Variants in ARMH3 observed in about 807,000 individuals in gnomAD.
ARMH3 encodes the protein armadillo like helical domain containing 3.
ARMH3 carries 60 observed loss-of-function variants against 99.1 expected under a neutral mutation model. That is an observed-to-expected ratio of 0.61 (90% CI 0.49 to 0.75). ARMH3 has a LOEUF of 0.75. Ranked by LOEUF, ARMH3 falls within the 30% of genes least tolerant of loss-of-function variation. ARMH3 has a pLI of 0.00. For synonymous variants in ARMH3, 285 were observed against 292.8 expected, an observed-to-expected ratio of 0.97 and a Z score of 0.27; for missense variants, 679 against 843.1, an observed-to-expected ratio of 0.81 and a Z score of 2.41.
intron 1 of ARMH3, among the ~76,000 whole-genome samples, chr10:102,045,847 C>A (rs1408844859): frequency 3.3e-5 from 5 of 152,138 alleles, no homozygotes; most frequent in Admixed American, 1.3e-4. Flanking sequence ...GTAATCCCAG[C>A]ACTTTGGGAG....
At chr10:101,992,614 G>A (rs995591622) in intron 17 of ARMH3, among the ~76,000 whole-genome samples, 3 of 151,568 alleles carry the variant, frequency 2.0e-5, no homozygotes, top group Non-Finnish European at 2.9e-5. Flanking sequence ...TCCTGACTCA[G>A]CCTCTTGAGT....
At position 102,033,276 on chromosome 10, in the gene ARMH3, C is replaced by T. The variant is rs780454295; in HGVS notation, c.159+7G>A. The T allele has an allele frequency of 2.4e-5, 38 of 1,614,144 alleles. No homozygotes were observed. Among genetic ancestry groups the T allele is most frequent in the Non-Finnish European group, 3.1e-5 (37 of 1,180,028 alleles). On this transcript the variant is annotated splice_region_variant and intron_variant, in intron 3 of 25. Coordinates refer to ENST00000370033, the MANE Select transcript of ARMH3 (RefSeq NM_024541.3). ...CAGGAAATTCCACAGATGCCACCAA[C>T]TCTTACCTTCATGAGAAAGAGCTCC...
intron 20 of ARMH3, among the ~76,000 whole-genome samples, chr10:101,966,383 TCTTCTGC>T (rs1845546496): frequency 6.7e-6 from 1 of 148,702 alleles, no homozygotes; most frequent in East Asian, 2.0e-4. Context: ...TTCAAGCAAT[TCTTCTGC>T]CTCAGCCTCC....
chr10:101,859,825 C>T (rs1274941514), intron 24 of ARMH3, among the ~76,000 whole-genome samples: 1 of 152,144 alleles, frequency 6.6e-6, no homozygotes, highest in East Asian at 1.9e-4. Flanking sequence ...TCATGAGCTC[C>T]AATGCTAACT....
At chr10:101,985,032 C>T (rs1237701295) in intron 19 of ARMH3, among the ~76,000 whole-genome samples, 1 of 151,180 alleles carries the variant, frequency 6.6e-6, no homozygotes, top group African/African-American at 2.4e-5. Context: ...AGCACCACTG[C>T]ACTCTATCCT....
intron 1 of ARMH3, among the ~76,000 whole-genome samples, chr10:102,042,339 C>G (rs1468001204): frequency 6.6e-6 from 1 of 152,186 alleles, no homozygotes; most frequent in African/African-American, 2.4e-5. Context: ...TACATGTTTA[C>G]AAATATCCCC....
chr10:101,955,630 G>A (rs190014537), intron 22 of ARMH3, among the ~76,000 whole-genome samples: 88 of 152,196 alleles, frequency 5.8e-4, no homozygotes, highest in Non-Finnish European at 1.2e-3. Flanking sequence ...CATGATACAG[G>A]AGTCCCAAGG....
Position 101,975,227 on chromosome 10 carries a change from G to A in ARMH3, c.1480C>T (p.Arg494Trp), listed in dbSNP as rs145558318. Residue 494 changes from arginine to tryptophan, a missense_variant, in exon 20 of 26, where the codon CGG (arginine) becomes TGG (tryptophan). Physicochemically the swap from Arg to Trp is moderately radical, Grantham distance 101 (BLOSUM62 -3). Around this residue, in one of 3 missense-constraint regions of ARMH3, gnomAD observed 389 missense variants for 456.5 expected, o/e 0.85. Coordinates refer to ENST00000370033, the MANE Select transcript of ARMH3 (RefSeq NM_024541.3). ...KCRVRLHYTW[R>W]ELWSALINLL... ...AGAAAGTTACCTGACCAGAGCTCCC[G>A]CCAGGTGTAATGCAGGCGTACCCGA... 384 of 1,611,572 alleles carry A rather than the reference G, an allele frequency of 2.4e-4. 1 individual carries two copies. In the East Asian group the frequency reaches 5.4e-3, roughly 23 times the overall value.
intron 19 of ARMH3, among the ~76,000 whole-genome samples, chr10:101,990,318 A>G (rs1846729817): frequency 1.3e-5 from 2 of 151,730 alleles, no homozygotes; most frequent in Admixed American, 6.6e-5. Context: ...CAAGTAGCTG[A>G]GACTACAGGC....
chr10:102,035,292 G>C (rs1293162246), intron 2 of ARMH3, among the ~76,000 whole-genome samples: 1 of 152,188 alleles, frequency 6.6e-6, no homozygotes, highest in Non-Finnish European at 1.5e-5. Flanking sequence ...TTGAACCCGG[G>C]AGGTGGAGGT....
At chr10:101,926,841 G>A (rs182651583) in intron 23 of ARMH3, among the ~76,000 whole-genome samples, 2 of 152,150 alleles carry the variant, frequency 1.3e-5, no homozygotes, top group Admixed American at 1.3e-4. Context: ...AACCCTAAAG[G>A]ATCAGGGATA....
chr10:101,914,003 G>A (rs764917262), intron 23 of ARMH3, among the ~76,000 whole-genome samples: 11 of 152,150 alleles, frequency 7.2e-5, no homozygotes, highest in Non-Finnish European at 1.5e-4. Flanking sequence ...CTTGCCATGT[G>A]GTAGTACTAC....
chr10:102,013,221 C>G (rs2066671131), intron 9 of ARMH3, among the ~76,000 whole-genome samples: 1 of 152,152 alleles, frequency 6.6e-6, no homozygotes, highest in African/African-American at 2.4e-5. Context: ...CAAATGTCTC[C>G]AAAACAGTCA....
At chr10:101,976,318 C>T (rs959373541) in intron 19 of ARMH3, among the ~76,000 whole-genome samples, 4 of 147,526 alleles carry the variant, frequency 2.7e-5, no homozygotes, top group East Asian at 2.0e-4. Context: ...CCAGCCTGAG[C>T]GAAAGGGCAA....
intron 23 of ARMH3, among the ~76,000 whole-genome samples, chr10:101,928,248 C>T (rs1455134360): frequency 6.6e-6 from 1 of 152,088 alleles, no homozygotes; most frequent in Admixed American, 6.6e-5. Context: ...TGGCTGTTCA[C>T]GTTCTTATAA....
chr10:102,012,044 T>C (rs1034958085), intron 10 of ARMH3, among the ~76,000 whole-genome samples: 8 of 152,208 alleles, frequency 5.3e-5, no homozygotes, highest in Non-Finnish European at 1.2e-4. Context: ...CCCTAACATA[T>C]AGCTGATCCA....
At chr10:101,963,355 T>C (rs758321263) in intron 20 of ARMH3, among the ~76,000 whole-genome samples, 3 of 151,976 alleles carry the variant, frequency 2.0e-5, no homozygotes, top group Non-Finnish European at 4.4e-5. Flanking sequence ...ATGGCCTCCA[T>C]CTCCTGACCT....
At chr10:101,856,657 T>G (rs2066745142) in intron 24 of ARMH3, among the ~76,000 whole-genome samples, 1 of 152,202 alleles carries the variant, frequency 6.6e-6, no homozygotes, top group Non-Finnish European at 1.5e-5. Flanking sequence ...TTTATAGGAT[T>G]TTCATAATAA....
rs577180009 is a variant in ARMH3, at chr10:102,017,031, T to C, written c.670-3007A>G. On this transcript the variant is annotated intron_variant, in intron 8 of 25. Coordinates refer to ENST00000370033, the MANE Select transcript of ARMH3 (RefSeq NM_024541.3). ...ACTTCTTCACTTTCTCTGTGCTTAG[T>C]TGGGTACCCAACCTCTCTGTGCCTC... Among the ~76,000 whole-genome samples, 21 of 152,316 alleles carry C rather than the reference T, an allele frequency of 1.4e-4. No homozygotes were observed. In the South Asian group the frequency reaches 2.1e-3, roughly 15 times the overall value.
Sources: allele counts gnomAD v4.1 joint callset (sites outside exome capture counted in the v4.1 genomes callset), GRCh38; gene constraint gnomAD v4.1.1; regional missense constraint gnomAD v4.1.1; transcripts MANE v1.5; gene names NCBI Gene and HGNC (gene_info 2026-07-23, HGNC 2026-07-21).